The following GALNT3 variants were observed in gnomAD, a reference collection of about 807,000 sequenced individuals.
GALNT3 encodes polypeptide N-acetylgalactosaminyltransferase 3.
Under a neutral mutation model 69.8 loss-of-function variants are expected in GALNT3, and 51 were observed. The ratio of observed to expected loss-of-function variants is 0.73; its 90% CI spans 0.58 to 0.92. The LOEUF is 0.92. Ranked by LOEUF, GALNT3 falls within the 40% of genes least tolerant of loss-of-function variation. The pLI is 0.00. For synonymous variants in GALNT3, 265 were observed against 248.5 expected (o/e 1.07, Z -0.63); for missense variants, 711 against 760.0 (o/e 0.94, Z 0.76).
At chr2:165,750,127 C>A (rs1366910787) in intron 9 of GALNT3, among the ~76,000 whole-genome samples, 1 of 152,068 alleles carries the variant, frequency 6.6e-6, no homozygotes, top group Non-Finnish European at 1.5e-5. Context: ...CCTCCCCATA[C>A]CAGAAGTTGG....
chr2:165,788,466 GGTGTGTGTGTGT>G (rs148293638), intron 1 of GALNT3, among the ~76,000 whole-genome samples: 50 of 139,602 alleles, frequency 3.6e-4, no homozygotes, highest in African/African-American at 4.0e-4. Flanking sequence ...AATCCAAAAG[GGTGTGTGTGTGT>G]GTGTGTGTGT....
chr2:165,775,548 T>A (rs529985160), intron 1 of GALNT3, among the ~76,000 whole-genome samples: 1 of 152,338 alleles, frequency 6.6e-6, no homozygotes, highest in African/African-American at 2.4e-5. Flanking sequence ...ATTTTCATTA[T>A]GACTTTTCTG....
intron 1 of GALNT3, among the ~76,000 whole-genome samples, chr2:165,779,795 CACTT>C (rs907110220): frequency 1.4e-4 from 22 of 152,168 alleles, no homozygotes; most frequent in African/African-American, 4.6e-4. Flanking sequence ...CAATAATCCT[CACTT>C]ACATAATTGG....
rs758553983 is a variant in GALNT3 at position 165,759,395 on chromosome 2, G to A, written c.1014C>T (p.Gly338=). The change falls in exon 5 of 11, where the codon GGC becomes GGT. Residue 338 remains glycine, a synonymous_variant. Transcript: ENST00000392701. The part of the protein sequence containing the change: ...RGNFDWSLSF[G]WESLPDHEKQ... ...TCTCATGATCAGGAAGCGACTCCCA[G>A]CCAAATGAAAGACTCCAGTCAAAAT... 6.2e-7 allele frequency: 1 copy of A among 1,613,914 alleles called. No homozygotes were observed.
intron 2 of GALNT3, among the ~76,000 whole-genome samples, chr2:165,768,610 T>C (rs1362721651): frequency 6.6e-6 from 1 of 152,214 alleles, no homozygotes; most frequent in Admixed American, 6.5e-5. Context: ...CTACACAGTT[T>C]CAATGTTAAG....
chr2:165,754,734 G>A lies in GALNT3; in HGVS notation c.1525-6C>T, dbSNP rs1454080216. On this transcript the variant is annotated splice_polypyrimidine_tract_variant and splice_region_variant and intron_variant, in intron 8 of 10. Coordinates refer to ENST00000392701, the MANE Select transcript of GALNT3 (RefSeq NM_004482.4). ...GGCTGACCAACGCTTTTAATCTAAA[G>A]GAAAATTTTCAAGTTATGAAAAGTT... 6.2e-7 allele frequency: 1 copy of A among 1,605,114 alleles called. No homozygotes were observed. The highest frequency in any genetic ancestry group is 8.5e-7 in the Non-Finnish European group (1 of 1,174,328).
chr2:165,787,194 A>G (rs140788216), intron 1 of GALNT3, among the ~76,000 whole-genome samples: 310 of 152,298 alleles, frequency 2.0e-3, no homozygotes, highest in Non-Finnish European at 3.9e-3. Flanking sequence ...GTGATGAAAA[A>G]GTGGGAGCTC....
At chr2:165,768,011 CT>C (rs1688676033) in intron 2 of GALNT3, among the ~76,000 whole-genome samples, 1 of 151,408 alleles carries the variant, frequency 6.6e-6, no homozygotes. Flanking sequence ...GTAGCTGGGA[CT>C]ACAGGCGCAC....
intron 5 of GALNT3, 26 bp downstream of exon 5, chr2:165,759,310 T>C (rs773995838): frequency 6.4e-7 from 1 of 1,568,478 alleles, no homozygotes; most frequent in East Asian, 2.2e-5. Flanking sequence ...GGTGTAAATA[T>C]AAGACTCTGA....
In GALNT3 at chr2:165,757,039, T is replaced by C. The variant is rs373934847; in HGVS notation, c.1392+8A>G. On this transcript the variant is annotated splice_region_variant and intron_variant, in intron 7 of 10. Coordinates refer to ENST00000392701, the MANE Select transcript of GALNT3 (RefSeq NM_004482.4). ...TTATTGCAATTTAACTACTTAGCTTTAACTTACTTGTTTAACAATTTTTGC... is the reference window on the plus strand; with the variant it reads ...TTATTGCAATTTAACTACTTAGCTTCAACTTACTTGTTTAACAATTTTTGC... 38 of 1,602,292 alleles carry C rather than the reference T, an allele frequency of 2.4e-5. No individual in the cohort carries two copies. The African/African-American group carries it at 3.3e-4, about 14-fold the overall frequency.
intron 1 of GALNT3, among the ~76,000 whole-genome samples, chr2:165,774,349 A>G (rs1688807425): frequency 6.6e-6 from 1 of 152,220 alleles, no homozygotes; most frequent in South Asian, 2.1e-4. Flanking sequence ...ATGGAAAAAG[A>G]GTTCAGAGAA....
At chr2:165,780,292 A>G (rs1418733953) in intron 1 of GALNT3, among the ~76,000 whole-genome samples, 2 of 152,096 alleles carry the variant, frequency 1.3e-5, no homozygotes, top group Admixed American at 1.3e-4. Context: ...CTCAGAGGGG[A>G]TACAAATTCT....
chr2:165,767,388 C>T (rs201176259), intron 2 of GALNT3, among the ~76,000 whole-genome samples: 8 of 151,730 alleles, frequency 5.3e-5, no homozygotes, highest in Non-Finnish European at 1.0e-4. Flanking sequence ...TAGTATTAAT[C>T]GATAATTATA....
chr2:165,784,129 C>A (rs1194538277), intron 1 of GALNT3, among the ~76,000 whole-genome samples: 1 of 152,126 alleles, frequency 6.6e-6, no homozygotes, highest in Admixed American at 6.5e-5. Flanking sequence ...TACCCAGAAC[C>A]ATGCATAGTC....
At chr2:165,759,224 G>T in intron 5 of GALNT3, 112 bp downstream of exon 5, 1 of 831,076 alleles carries the variant, frequency 1.2e-6, no homozygotes, top group Non-Finnish European at 2.0e-6. Context: ...TATAGAATAT[G>T]TGTGTTCTTT....
Position 165,765,024 on chromosome 2 carries a change from G to T in GALNT3, c.548C>A (p.Pro183His), listed in dbSNP as rs779210602. ...TATTATGACACTGGTGGTGGGCAGG[G>T]GAGGGCAGCGCTTAAATTTTTGTTC... The part of the protein sequence containing the change: ...CIEQKFKRCP[P>H]LPTTSVIIVF... The change falls in exon 3 of 11, where the codon CCC becomes CAC. Residue 183 changes from proline (P) to histidine (H), a missense_variant. Transcript: ENST00000392701. The T allele has an allele frequency of 6.2e-7, 1 of 1,614,166 alleles. No homozygotes were observed. The highest frequency in any genetic ancestry group is 8.5e-7 in the Non-Finnish European group (1 of 1,180,028).
intron 1 of GALNT3, among the ~76,000 whole-genome samples, chr2:165,781,068 T>C (rs1379551529): frequency 6.6e-6 from 1 of 152,178 alleles, no homozygotes; most frequent in African/African-American, 2.4e-5. Context: ...GTATTGTGAT[T>C]CTGCTATTGG....
intron 1 of GALNT3, among the ~76,000 whole-genome samples, chr2:165,790,562 G>A (rs77758079): frequency 6.6e-6 from 1 of 151,858 alleles, no homozygotes; most frequent in East Asian, 1.9e-4. Flanking sequence ...ATGGACTAAA[G>A]AACTGAATAC....
rs909327801 is a variant in GALNT3, at chr2:165,748,676, T to C, written c.*105A>G. ...ATAAGAAAAATGCACTTGGAATAAGTTACATTTAGCTGCTTTTGCATAATT... is the reference window on the plus strand; with the variant it reads ...ATAAGAAAAATGCACTTGGAATAAGCTACATTTAGCTGCTTTTGCATAATT... On this transcript the variant is annotated 3_prime_UTR_variant, in exon 11 of 11. Transcript: ENST00000392701. 3.2e-5 allele frequency: 34 copies of C among 1,048,790 alleles called. No homozygotes were observed. In the African/African-American group the frequency reaches 5.2e-4, roughly 16 times the overall value. The allele number at this position is 1,048,790 out of a possible 1,614,324, so 65.0% of individuals were successfully genotyped here.
Sources: allele counts gnomAD v4.1 joint callset (sites outside exome capture counted in the v4.1 genomes callset), GRCh38; gene constraint gnomAD v4.1.1; transcripts MANE v1.5; gene names NCBI Gene and HGNC (gene_info 2026-07-23, HGNC 2026-07-21).